Variants in CUX2 observed in about 807,000 individuals in gnomAD.
CUX2 encodes the protein cut like homeobox 2, also known as homeobox protein cut-like 2.
A neutral mutation model predicts 144.8 loss-of-function variants in CUX2; 40 were observed. That is an observed-to-expected ratio of 0.28 (90% CI 0.21 to 0.36). The LOEUF (loss-of-function observed/expected upper bound fraction) is 0.36. CUX2 is among the 10% of genes least tolerant of loss of function. The probability of loss-of-function intolerance (pLI) is 1.00; values close to 1 mark genes in which losing one functional copy is unlikely to be tolerated. For missense variants in CUX2, 1,615 were observed against 1,994.0 expected, an observed-to-expected ratio of 0.81 and a Z score of 3.62; for synonymous variants, 827 against 875.6, an observed-to-expected ratio of 0.94 and a Z score of 0.98.
At chr12:111,284,797 G>A (rs1318018122) in intron 4 of CUX2, among the ~76,000 whole-genome samples, 1 of 152,190 alleles carries the variant, frequency 6.6e-6, no homozygotes, top group Admixed American at 6.5e-5. Flanking sequence ...CAGCTCGGAA[G>A]GGCCTCTGGT....
chr12:111,063,823 G>A (rs767038759), intron 1 of CUX2, among the ~76,000 whole-genome samples: 1 of 152,212 alleles, frequency 6.6e-6, no homozygotes, highest in Non-Finnish European at 1.5e-5. Flanking sequence ...GAGGCAATGG[G>A]GTTTAATAGT....
At chr12:111,040,822 ATG>A (rs761181719) in intron 1 of CUX2, among the ~76,000 whole-genome samples, 3 of 152,164 alleles carry the variant, frequency 2.0e-5, no homozygotes, top group Admixed American at 6.5e-5. Context: ...AACAGCCACA[ATG>A]AGAATGAATG....
intron 9 of CUX2, among the ~76,000 whole-genome samples, chr12:111,303,220 C>G (rs1390634407): frequency 1.8e-5 from 1 of 55,624 alleles, no homozygotes; most frequent in Non-Finnish European, 2.8e-5. Context: ...GACCCTGTCT[C>G]GAAAAAAAAA....
chr12:111,124,775 T>C (rs1874935417), intron 1 of CUX2, among the ~76,000 whole-genome samples: 1 of 152,216 alleles, frequency 6.6e-6, no homozygotes. Context: ...GTTGGTTTTT[T>C]GACCCTTGCT....
chr12:111,166,314 G>A (rs771548672), intron 1 of CUX2, among the ~76,000 whole-genome samples: 2 of 152,142 alleles, frequency 1.3e-5, no homozygotes, highest in Non-Finnish European at 2.9e-5. Context: ...GAGCCACTAC[G>A]CCCAGCCTGC....
chr12:111,201,554 G>C (rs777678896), intron 1 of CUX2, among the ~76,000 whole-genome samples: 1 of 152,142 alleles, frequency 6.6e-6, no homozygotes, highest in Admixed American at 6.5e-5. Flanking sequence ...CTTTTCTTGG[G>C]ACTACGCCTG....
intron 3 of CUX2, among the ~76,000 whole-genome samples, chr12:111,242,762 C>T (rs1007155380): frequency 2.0e-5 from 3 of 152,076 alleles, no homozygotes; most frequent in African/African-American, 7.2e-5. Flanking sequence ...TGCAGTGAGT[C>T]GAGATTCCAC....
chr12:111,135,144 G>A (rs1875779262), intron 1 of CUX2, among the ~76,000 whole-genome samples: 1 of 149,644 alleles, frequency 6.7e-6, no homozygotes, highest in Non-Finnish European at 1.5e-5. Flanking sequence ...GAGAAAGACT[G>A]TAAATAGTAG....
At chr12:111,198,244 G>A (rs1419167629) in intron 1 of CUX2, among the ~76,000 whole-genome samples, 1 of 152,162 alleles carries the variant, frequency 6.6e-6, no homozygotes, top group Non-Finnish European at 1.5e-5. Context: ...GGGAGGCCGA[G>A]GTGGATAGAT....
rs1239292709 is a variant in CUX2, at chr12:111,057,809, T to C, written c.63+23569T>C. On this transcript the variant is annotated intron_variant, in intron 1 of 21. Coordinates refer to ENST00000261726, the MANE Select transcript of CUX2 (RefSeq NM_015267.4). This position sits in a 1 kb window ranked among gnomAD's most constrained non-coding sequence, Gnocchi z 5.1. Reference sequence around the variant, plus strand: ...GCAGGATAGTTGCTTTCCCTTAAACTACCCAAGTGAATGCTTCAGTTCCTG... The same window carrying C: ...GCAGGATAGTTGCTTTCCCTTAAACCACCCAAGTGAATGCTTCAGTTCCTG... 6.6e-6 allele frequency among the ~76,000 whole-genome samples: 1 copy of C among 152,234 alleles called. No homozygotes were observed. The highest frequency in any genetic ancestry group is 2.4e-5 in the African/African-American group (1 of 41,462).
chr12:111,312,183 A>G lies in CUX2; in HGVS notation c.1984A>G (p.Ile662Val). The change falls in exon 16 of 22, where the codon ATC becomes GTC. Residue 662 changes from isoleucine to valine, a missense_variant. Transcript: ENST00000261726. The surrounding 1 kb of genome is among the most constrained non-coding windows in gnomAD (Gnocchi z 4.3). ...CATTCTAGAGCAGGCCAAGAAGGAG[A>G]TCGAGTCGCAGAAGGGCGGTGAGTG... is the stretch of plus-strand genomic sequence containing the variant. ...KSILEQAKKEIESQKGGEPKT... is the reference protein window; with the variant it reads ...KSILEQAKKEVESQKGGEPKT... The G allele has an allele frequency of 1.2e-6, 2 of 1,609,428 alleles. No homozygotes were observed. Among genetic ancestry groups the G allele is most frequent in the Non-Finnish European group, 8.5e-7 (1 of 1,177,030 alleles).
At chr12:111,142,474 C>T (rs762394181) in intron 1 of CUX2, among the ~76,000 whole-genome samples, 77 of 149,926 alleles carry the variant, frequency 5.1e-4, no homozygotes, top group Non-Finnish European at 9.3e-4. Flanking sequence ...GGTGAGGTAG[C>T]TCCGTCTGTC....
chr12:111,071,661 T>C (rs1871257544), intron 1 of CUX2, among the ~76,000 whole-genome samples: 1 of 152,198 alleles, frequency 6.6e-6, no homozygotes, highest in African/African-American at 2.4e-5. Flanking sequence ...GTGTTGTATC[T>C]AAAAAGTCAA....
At chr12:111,158,165 T>A (rs1877516394) in intron 1 of CUX2, among the ~76,000 whole-genome samples, 2 of 152,004 alleles carry the variant, frequency 1.3e-5, no homozygotes, top group South Asian at 4.1e-4. Flanking sequence ...AAACGGAGGA[T>A]CAGGGATAGT....
intron 1 of CUX2, among the ~76,000 whole-genome samples, chr12:111,191,002 C>T (rs186789502): frequency 2.2e-4 from 34 of 152,226 alleles, no homozygotes; most frequent in East Asian, 1.7e-3. Context: ...CAGCTTCCCA[C>T]GGGACTCCAC....
chr12:111,306,910 T>G lies in CUX2; in HGVS notation c.859-11T>G. On this transcript the variant is annotated splice_polypyrimidine_tract_variant and intron_variant, in intron 10 of 21. Coordinates refer to ENST00000261726, the MANE Select transcript of CUX2 (RefSeq NM_015267.4). ...CACCTCTCAGCCCCTCAAAGACCCC[T>G]TTGCCTGCAGGATAAGGTGAACTTC... is the stretch of plus-strand genomic sequence containing the variant. 6.3e-7 allele frequency: 1 copy of G among 1,581,036 alleles called. No individual in the cohort carries two copies. Among genetic ancestry groups the G allele is most frequent in the Non-Finnish European group, 8.6e-7 (1 of 1,159,278 alleles).
At chr12:111,344,199 C>T (rs1888697805) in intron 21 of CUX2, among the ~76,000 whole-genome samples, 1 of 152,240 alleles carries the variant, frequency 6.6e-6, no homozygotes, top group East Asian at 1.9e-4. Flanking sequence ...CTCTGATTCC[C>T]CACAGGAACT....
At chr12:111,097,187 C>A (rs1011771044) in intron 1 of CUX2, among the ~76,000 whole-genome samples, 1 of 152,148 alleles carries the variant, frequency 6.6e-6, no homozygotes, top group Non-Finnish European at 1.5e-5. Context: ...CCAGATACAC[C>A]CAGGAAGGTG....
chr12:111,284,957 T>G (rs551678682), intron 4 of CUX2, among the ~76,000 whole-genome samples: 31 of 152,244 alleles, frequency 2.0e-4, no homozygotes, highest in Admixed American at 1.0e-3. Flanking sequence ...CCTGGTTGCT[T>G]CCTGGCCAGG....
Sources: allele counts gnomAD v4.1 joint callset (sites outside exome capture counted in the v4.1 genomes callset), GRCh38; gene constraint gnomAD v4.1.1; non-coding constraint Gnocchi (gnomAD v3.1); transcripts MANE v1.5; gene names NCBI Gene and HGNC (gene_info 2026-07-23, HGNC 2026-07-21).